Variants in CFAP47 observed in about 807,000 individuals in gnomAD.
CFAP47 encodes the protein cilia- and flagella-associated protein 47.
CFAP47 carries 29 observed loss-of-function variants against 148.1 expected under a neutral mutation model. That is an observed-to-expected ratio of 0.20 (90% CI 0.15 to 0.27). The LOEUF (loss-of-function observed/expected upper bound fraction) is 0.27. Ranked by LOEUF, CFAP47 falls within the 10% of genes least tolerant of loss-of-function variation. The pLI is 1.00. For synonymous variants in CFAP47, 664 were observed against 577.3 expected, an observed-to-expected ratio of 1.15 and a Z score of -2.15; for missense variants, 1,872 against 1,697.5, an observed-to-expected ratio of 1.10 and a Z score of -1.81.
chrX:35,967,571 T>G, intron 9 of CFAP47, 48 bp from the exon 10 acceptor site: 1 of 972,536 alleles, frequency 1.0e-6, no homozygotes, highest in African/African-American at 1.9e-5. Context: ...GTTTTTAAAG[T>G]TGAAATTAAA....
chrX:36,075,279 G>C (rs1421393722), intron 29 of CFAP47, among the ~76,000 whole-genome samples: 2 of 108,463 alleles, frequency 1.8e-5, no homozygotes, highest in Non-Finnish European at 3.8e-5. Context: ...CCAGACTGGG[G>C]TGTAGTGGCG....
chrX:36,258,208 G>C (rs782226803), intron 49 of CFAP47, among the ~76,000 whole-genome samples: 2 of 112,051 alleles, frequency 1.8e-5, no homozygotes, highest in South Asian at 7.3e-4. Flanking sequence ...GCATAAGAAA[G>C]CTTCATTCAA....
At chrX:35,932,226 C>T (rs1935838562) in intron 2 of CFAP47, among the ~76,000 whole-genome samples, 1 of 107,458 alleles carries the variant, frequency 9.3e-6, no homozygotes, top group South Asian at 4.1e-4. Context: ...TTTTTTCTTT[C>T]TTTCTTTTTT....
chrX:35,929,992 G>C (rs1935802197), intron 2 of CFAP47, among the ~76,000 whole-genome samples: 2 of 109,501 alleles, frequency 1.8e-5, no homozygotes, highest in African/African-American at 6.8e-5. Flanking sequence ...GAGTGAGACT[G>C]TCTCAAAAAA....
intron 53 of CFAP47, among the ~76,000 whole-genome samples, chrX:36,302,306 C>T (rs1283669773): frequency 9.0e-6 from 1 of 110,895 alleles, no homozygotes; most frequent in East Asian, 2.8e-4. Context: ...ACAAAACTGA[C>T]ATATAATGTT....
rs753165031 is a variant in CFAP47 at position 36,165,181 on chromosome X, T to G, written c.6026+4412T>G. 9.8e-5 allele frequency among the ~76,000 whole-genome samples: 11 copies of G among 112,108 alleles called. No individual in the cohort carries two copies. In the East Asian group the frequency reaches 3.1e-3, roughly 31 times the overall value. On this transcript the variant is annotated intron_variant, in intron 39 of 63. Coordinates refer to ENST00000378653, the MANE Select transcript of CFAP47 (RefSeq NM_001304548.2). ...TTGTATGTGTATATTACTCACTGCT[T>G]TAGATTGCATTATTTAATCAATTCA...
intron 49 of CFAP47, among the ~76,000 whole-genome samples, chrX:36,258,854 T>C (rs1940785153): frequency 8.9e-6 from 1 of 111,769 alleles, no homozygotes; most frequent in African/African-American, 3.3e-5. Context: ...GTGATAGCAC[T>C]GTGAAGCCCC....
intron 1 of CFAP47, among the ~76,000 whole-genome samples, chrX:35,921,374 T>C: frequency 8.9e-6 from 1 of 112,404 alleles, no homozygotes; most frequent in South Asian, 3.6e-4. Flanking sequence ...ACTTGCTTAC[T>C]CCAGACACTG....
intron 18 of CFAP47, among the ~76,000 whole-genome samples, chrX:35,996,757 A>G (rs775025054): frequency 1.8e-5 from 2 of 111,799 alleles, no homozygotes; most frequent in Non-Finnish European, 3.8e-5. Context: ...GAAAAAGACA[A>G]AATACTTGGC....
At chrX:35,970,310 G>T (rs1936470600) in intron 10 of CFAP47, among the ~76,000 whole-genome samples, 1 of 111,126 alleles carries the variant, frequency 9.0e-6, no homozygotes, top group Non-Finnish European at 1.9e-5. Flanking sequence ...TATTTCATAA[G>T]TTGTGAAGTT....
At chrX:35,941,636 C>G (rs1005075920) in intron 3 of CFAP47, among the ~76,000 whole-genome samples, 4 of 111,386 alleles carry the variant, frequency 3.6e-5, no homozygotes, top group African/African-American at 1.3e-4. Context: ...TGAAATCCCT[C>G]AGGATAGGAG....
intron 18 of CFAP47, among the ~76,000 whole-genome samples, chrX:35,994,119 G>A (rs1340201239): frequency 4.6e-5 from 5 of 109,884 alleles, no homozygotes; most frequent in African/African-American, 1.0e-4. Flanking sequence ...AAAATTAGCC[G>A]GGCATGGTGG....
intron 36 of CFAP47, among the ~76,000 whole-genome samples, chrX:36,148,483 C>T (rs1939264876): frequency 9.0e-6 from 1 of 111,483 alleles, no homozygotes; most frequent in African/African-American, 3.3e-5. Flanking sequence ...TTTTTTGAAT[C>T]TCCATTATAT....
chrX:36,038,869 T>C (rs955380705), intron 24 of CFAP47, 115 bp from the exon 25 acceptor site: 7 of 364,714 alleles, frequency 1.9e-5, no homozygotes, highest in African/African-American at 1.9e-4. Flanking sequence ...GTTTATTCTG[T>C]CCCATTAAGT....
At chrX:35,967,237 AC>A (rs1936420280) in intron 9 of CFAP47, among the ~76,000 whole-genome samples, 1 of 110,459 alleles carries the variant, frequency 9.1e-6, no homozygotes, top group Non-Finnish European at 1.9e-5. Context: ...TATAATATAA[AC>A]TTTTTGACTA....
intron 29 of CFAP47, among the ~76,000 whole-genome samples, chrX:36,077,055 C>T (rs2146766702): frequency 9.1e-6 from 1 of 109,348 alleles, no homozygotes; most frequent in East Asian, 2.9e-4. Context: ...TGTAGCTATA[C>T]AGCTTTATTT....
At position 36,294,585 on chromosome X, in the gene CFAP47, G is replaced by A. The variant is rs781905643; in HGVS notation, c.7687-4392G>A. 1.5e-4 allele frequency among the ~76,000 whole-genome samples: 16 copies of A among 110,143 alleles called. No homozygotes were observed. The East Asian group carries it at 3.4e-3, about 24-fold the overall frequency. On this transcript the variant is annotated intron_variant, in intron 51 of 63. Transcript: ENST00000378653. Reference sequence around the variant, plus strand: ...AAATTAGCCAGGCATGGTGGCAGGCGCCTGTAGTCCCAGCTACTCGGGAGG... The same window carrying A: ...AAATTAGCCAGGCATGGTGGCAGGCACCTGTAGTCCCAGCTACTCGGGAGG...
rs1020679301 is a variant in CFAP47 at position 35,951,188 on chromosome X, G to A, written c.714G>A (p.Glu238=). The change falls in exon 5 of 64, where the codon GAG becomes GAA. Residue 238 remains glutamate (E), a synonymous_variant. Coordinates refer to ENST00000378653, the MANE Select transcript of CFAP47 (RefSeq NM_001304548.2). ...TGAGTATCAAAGCTCATGTGGTTGA[G>A]CAGATTATTGAATTATTAAGCATGA... The part of the protein sequence containing the change: ...MLLSIKAHVV[E]QIIELLSMSS... 2 of 1,211,412 alleles carry A rather than the reference G, an allele frequency of 1.7e-6. No homozygotes were observed. The highest frequency in any genetic ancestry group is 2.2e-6 in the Non-Finnish European group (2 of 895,235).
chrX:36,295,728 G>T (rs1941236223), intron 51 of CFAP47, among the ~76,000 whole-genome samples: 1 of 111,536 alleles, frequency 9.0e-6, no homozygotes. Context: ...AAGATATTTT[G>T]GCAGGTGGAT....
Sources: gnomAD v4.1 joint callset for allele counts (sites outside exome capture counted in the v4.1 genomes callset) on GRCh38, gnomAD v4.1.1 for gene constraint, MANE v1.5 for transcripts, NCBI Gene and HGNC (gene_info 2026-07-23, HGNC 2026-07-21) for gene names.